KANK4: variants seen among roughly 807,000 people sequenced by gnomAD.
The protein encoded by KANK4 is KN motif and ankyrin repeat domain-containing protein 4.
In KANK4, 50 loss-of-function variants were observed where a neutral mutation model predicts 80.8. That is an observed-to-expected ratio of 0.62 (90% CI 0.49 to 0.78). KANK4 has a LOEUF of 0.78. Among genes scored for constraint, KANK4 ranks in the 30% least tolerant of loss-of-function variants. The pLI, the probability that KANK4 is intolerant of heterozygous loss-of-function variation, is 0.00. For missense variants in KANK4, 1,196 were observed against 1,240.1 expected (o/e 0.96, Z 0.53); for synonymous variants, 465 against 506.9 (o/e 0.92, Z 1.11).
intron 6 of KANK4, among the ~76,000 whole-genome samples, chr1:62,263,879 A>G (rs564880924): frequency 1.3e-5 from 2 of 152,342 alleles, no homozygotes; most frequent in African/African-American, 4.8e-5. Context: ...CCTTGAGAGT[A>G]AATGGTTTAA....
rs541453247 is a variant in KANK4 at position 62,295,642 on chromosome 1, C to T, written c.-70-14008G>A. On this transcript the variant is annotated intron_variant, in intron 1 of 9. Transcript: ENST00000371153. ...AAAGGGGCAACTGAGGCTCAATGAC[C>T]TGCCCACCTCATACAGCAGGGCCAA... Among the ~76,000 whole-genome samples the T allele has an allele frequency of 4.6e-5, 7 of 152,328 alleles. No homozygotes were observed. The South Asian group carries it at 6.2e-4, about 14-fold the overall frequency.
At chr1:62,282,639 T>G (rs1438838115) in intron 1 of KANK4, among the ~76,000 whole-genome samples, 1 of 152,162 alleles carries the variant, frequency 6.6e-6, no homozygotes, top group Non-Finnish European at 1.5e-5. Context: ...CTGGAAAAGA[T>G]GAGGCCTGTC....
intron 2 of KANK4, among the ~76,000 whole-genome samples, chr1:62,277,423 A>G (rs2149147038): frequency 6.6e-6 from 1 of 152,306 alleles, no homozygotes; most frequent in East Asian, 1.9e-4. Flanking sequence ...TGGACAAGCA[A>G]GCTTATTTTA....
At chr1:62,241,372 G>A (rs1671338013) in intron 9 of KANK4, among the ~76,000 whole-genome samples, 1 of 152,086 alleles carries the variant, frequency 6.6e-6, no homozygotes. Context: ...CATTTCAGTG[G>A]GACCCCCGAA....
intron 2 of KANK4, among the ~76,000 whole-genome samples, chr1:62,280,580 C>T (rs1176333116): frequency 6.6e-6 from 1 of 152,176 alleles, no homozygotes; most frequent in Non-Finnish European, 1.5e-5. Flanking sequence ...ATTAGAGGCT[C>T]TCTTTTTCCT....
At chr1:62,297,848 C>A (rs1446285385) in intron 1 of KANK4, among the ~76,000 whole-genome samples, 1 of 152,212 alleles carries the variant, frequency 6.6e-6, no homozygotes, top group African/African-American at 2.4e-5. Context: ...AACCAGATAG[C>A]AGCAGTTGAG....
intron 9 of KANK4, among the ~76,000 whole-genome samples, chr1:62,240,232 T>C (rs1302122051): frequency 2.0e-5 from 3 of 152,260 alleles, no homozygotes; most frequent in Non-Finnish European, 4.4e-5. Context: ...TGGTATCTCA[T>C]TGTGGTTTTG....
chr1:62,254,166 GA>G (rs1002568992), intron 7 of KANK4, among the ~76,000 whole-genome samples: 3 of 151,452 alleles, frequency 2.0e-5, no homozygotes, highest in Middle Eastern at 3.4e-3. Context: ...AAAATGGAGG[GA>G]AAAAAAACTC....
At chr1:62,258,127 C>T (rs1255000879) in intron 7 of KANK4, among the ~76,000 whole-genome samples, 5 of 152,200 alleles carry the variant, frequency 3.3e-5, no homozygotes, top group Non-Finnish European at 7.3e-5. Flanking sequence ...GGCTCTGTGA[C>T]CTTCACTGCA....
intron 1 of KANK4, chr1:62,298,121 G>C (rs1644382435): frequency 6.6e-6 from 1 of 152,172 alleles, no homozygotes; most frequent in South Asian, 2.1e-4. Context: ...GAATCACAGG[G>C]ATAGGAATCT....
At chr1:62,315,718 C>A (rs1168642666) in intron 1 of KANK4, among the ~76,000 whole-genome samples, 1 of 152,126 alleles carries the variant, frequency 6.6e-6, no homozygotes. Flanking sequence ...ATACTGCACT[C>A]CAGCCTAGGT....
chr1:62,250,252 T>C (rs1671581532), intron 8 of KANK4, among the ~76,000 whole-genome samples: 1 of 152,204 alleles, frequency 6.6e-6, no homozygotes, highest in African/African-American at 2.4e-5. Flanking sequence ...CCTCCCAAAG[T>C]GCTGGGATCA....
chr1:62,275,891 AGGAAGG>A (rs140584149), intron 2 of KANK4, among the ~76,000 whole-genome samples: 41,315 of 104,804 alleles, frequency 0.39, 7,603 homozygotes, highest in East Asian at 0.75. Context: ...GGAGGAAGGA[AGGAAGG>A]GGAAGGGGAA....
rs765449069 is a variant in KANK4, at chr1:62,263,289, C to T, written c.2342G>A (p.Ser781Asn). The T allele has an allele frequency of 6.2e-7, 1 of 1,613,318 alleles. No individual in the cohort carries two copies. Among genetic ancestry groups the T allele is most frequent in the Admixed American group, 1.7e-5 (1 of 59,758 alleles). The change falls in exon 7 of 10, where the codon AGT becomes AAT. Residue 781 changes from serine to asparagine, a missense_variant. Ser to Asn is a conservative substitution (Grantham distance 46). This residue lies in a region of KANK4 where 1,154 missense variants were observed against 1,179.6 expected (regional missense o/e 0.98). Coordinates refer to ENST00000371153, the MANE Select transcript of KANK4 (RefSeq NM_181712.5). ...QLLRQSLNTI[S>N]QEWFRVSSRK... is the part of the protein sequence containing the mutation. ...GCTGGAGACGCGGAACCACTCTTGA[C>T]TGATGGTGTTCAAGCTTTGCCTCTG...
intron 1 of KANK4, among the ~76,000 whole-genome samples, chr1:62,317,392 C>G (rs184030519): frequency 6.6e-6 from 1 of 152,300 alleles, no homozygotes; most frequent in Non-Finnish European, 1.5e-5. Flanking sequence ...AAGGTGCACA[C>G]ATGGGGCAGT....
intron 1 of KANK4, among the ~76,000 whole-genome samples, chr1:62,314,589 T>C (rs1644524828): frequency 6.6e-6 from 1 of 150,694 alleles, no homozygotes; most frequent in Non-Finnish European, 1.5e-5. Flanking sequence ...TGTATTTCTC[T>C]CCCCCCTTGT....
chr1:62,265,470 G>A (rs562943494), intron 6 of KANK4, among the ~76,000 whole-genome samples: 2 of 152,142 alleles, frequency 1.3e-5, no homozygotes, highest in South Asian at 4.2e-4. Context: ...TCAAACTCCT[G>A]GGCTCAAGTG....
intron 1 of KANK4, 96 bp from the exon 2 acceptor site, chr1:62,281,730 C>T: frequency 2.5e-6 from 2 of 808,634 alleles, no homozygotes; most frequent in Non-Finnish European, 4.2e-6. Context: ...TCCATCCCTG[C>T]CTTTCTCCCA....
chr1:62,252,253 T>A (rs1671640569), intron 8 of KANK4, among the ~76,000 whole-genome samples: 1 of 152,224 alleles, frequency 6.6e-6, no homozygotes, highest in African/African-American at 2.4e-5. Context: ...AGCCCACGTG[T>A]CCTGAATCTC....
Sources: allele counts gnomAD v4.1 joint callset (sites outside exome capture counted in the v4.1 genomes callset), GRCh38; gene constraint gnomAD v4.1.1; regional missense constraint gnomAD v4.1.1; transcripts MANE v1.5; gene names NCBI Gene and HGNC (gene_info 2026-07-23, HGNC 2026-07-21).